The following PVT1 variants were observed in gnomAD, a reference collection of about 807,000 sequenced individuals.
PVT1 encodes Pvt1 oncogene.
At chr8:127,803,830 C>A (rs553559291) in intron 2 of PVT1, among the ~76,000 whole-genome samples, 1 of 151,602 alleles carries the variant, frequency 6.6e-6, no homozygotes, top group Admixed American at 6.6e-5. Context: ...AAGCGATTCT[C>A]CTGCCTCAGC....
intron 3 of PVT1, among the ~76,000 whole-genome samples, chr8:127,985,365 G>C (rs1019986646): frequency 2.6e-5 from 4 of 151,496 alleles, no homozygotes; most frequent in Non-Finnish European, 5.9e-5. Context: ...GGCCTCAAAC[G>C]ATCTTCCTGC....
rs1176139734 is a variant in PVT1, at chr8:127,992,191, G to A, written n.912+2900G>A. 2.6e-5 allele frequency among the ~76,000 whole-genome samples: 4 copies of A among 152,152 alleles called. No homozygotes were observed. In the East Asian group the frequency reaches 7.7e-4, roughly 29 times the overall value. On this transcript the variant is annotated intron_variant and non_coding_transcript_variant, in intron 4 of 10. Transcript: ENST00000651587. ...ACTTGAGGCCAGGAGTTCGAGACCAGCCTGGCCAACATGGTGAAACCCTGT... is the reference window on the plus strand; with the variant it reads ...ACTTGAGGCCAGGAGTTCGAGACCAACCTGGCCAACATGGTGAAACCCTGT...
chr8:127,982,193 G>A (rs1410444448), intron 3 of PVT1, among the ~76,000 whole-genome samples: 1 of 152,174 alleles, frequency 6.6e-6, no homozygotes, highest in South Asian at 2.1e-4. Flanking sequence ...GGCACCTATT[G>A]GAGTTGGATA....
intron 4 of PVT1, among the ~76,000 whole-genome samples, chr8:128,060,029 G>C (rs1241490233): frequency 1.3e-5 from 2 of 152,152 alleles, no homozygotes; most frequent in Non-Finnish European, 2.9e-5. Flanking sequence ...GGCCAAGGCG[G>C]GTGGATCACA....
At position 127,856,632 on chromosome 8, in the gene PVT1, C is replaced by T. The variant is rs371836406; in HGVS notation, n.373-33957C>T. On this transcript the variant is annotated intron_variant and non_coding_transcript_variant, in intron 2 of 10. Coordinates refer to ENST00000651587, the Ensembl canonical transcript of PVT1. ...CTGGGATTACAGGCGTGAGCTACCA[C>T]GCCCAGCCCCAGCCAGCTATATTAA... Among the ~76,000 whole-genome samples, 258 of 152,280 alleles carry T rather than the reference C, an allele frequency of 1.7e-3. 1 individual carries two copies. The highest frequency in any genetic ancestry group is 5.9e-3 in the African/African-American group (246 of 41,562).
chr8:128,091,935 G>C (rs570833369), intron 5 of PVT1, among the ~76,000 whole-genome samples: 4 of 152,144 alleles, frequency 2.6e-5, no homozygotes, highest in South Asian at 2.1e-4. Context: ...GGGTTGCTGA[G>C]AGCTGTCCTC....
At chr8:127,946,124 A>G (rs1816417224) in intron 3 of PVT1, among the ~76,000 whole-genome samples, 4 of 152,228 alleles carry the variant, frequency 2.6e-5, no homozygotes, top group Non-Finnish European at 4.4e-5. Context: ...CTGGTCTGTC[A>G]GGGTACCAGC....
chr8:127,989,288 T>G (rs1222161097), exon 4 of PVT1: 3 of 152,136 alleles, frequency 2.0e-5, no homozygotes, highest in African/African-American at 7.2e-5. Context: ...ATTGGAGAAT[T>G]AAGGTAAGCG....
intron 2 of PVT1, among the ~76,000 whole-genome samples, chr8:127,852,650 A>G (rs1240190174): frequency 6.6e-6 from 1 of 152,234 alleles, no homozygotes; most frequent in African/African-American, 2.4e-5. Flanking sequence ...GATTGCTATC[A>G]GGATTAAGGC....
At chr8:128,009,032 A>G in intron 4 of PVT1, 1 of 434,196 alleles carries the variant, frequency 2.3e-6, no homozygotes, top group African/African-American at 2.0e-5. Context: ...TAACATTAAT[A>G]CCTATCACTG....
At chr8:128,024,410 C>T (rs939676348) in intron 4 of PVT1, among the ~76,000 whole-genome samples, 4 of 152,032 alleles carry the variant, frequency 2.6e-5, no homozygotes, top group Non-Finnish European at 5.9e-5. Flanking sequence ...ATGGTTTGAG[C>T]CCAGGAATTC....
intron 6 of PVT1, among the ~76,000 whole-genome samples, chr8:128,100,252 T>C (rs1399463891): frequency 1.3e-5 from 2 of 151,240 alleles, no homozygotes; most frequent in Admixed American, 6.6e-5. Context: ...CATTTAAATA[T>C]CATGTGGGCA....
At chr8:127,925,648 G>GT (rs10592662) in intron 3 of PVT1, among the ~76,000 whole-genome samples, 115 of 151,468 alleles carry the variant, frequency 7.6e-4, no homozygotes, top group African/African-American at 1.9e-3. Context: ...TTTTGTTTTT[G>GT]TTTTTTTTTT....
chr8:128,092,138 G>T (rs1814364318), intron 5 of PVT1, among the ~76,000 whole-genome samples: 2 of 152,072 alleles, frequency 1.3e-5, no homozygotes, highest in Non-Finnish European at 2.9e-5. Flanking sequence ...AAGCTGCAAA[G>T]AACCCTTAGG....
chr8:127,798,704 CAAAAAA>C lies in PVT1; in HGVS notation n.372+2650_372+2655del, dbSNP rs71300266. Among the ~76,000 whole-genome samples the C allele has an allele frequency of 2.4e-3, 270 of 110,438 alleles. 2 individuals carry two copies. Among genetic ancestry groups the C allele is most frequent in the Middle Eastern group, 5.1e-3 (1 of 198 alleles). The allele number at this position is 110,438 out of a possible 152,430, so 72.5% of individuals were successfully genotyped here. On this transcript the variant is annotated intron_variant and non_coding_transcript_variant, in intron 2 of 10. Coordinates refer to ENST00000651587, the Ensembl canonical transcript of PVT1. ...TGAAACCCTGTCTCTACTAAAAATA[CAAAAAA>C]AAAAAAAAAAAAAAAATTAGCCCGG... is the stretch of plus-strand genomic sequence containing the variant.
At chr8:128,005,476 T>C (rs1222560716) in intron 4 of PVT1, among the ~76,000 whole-genome samples, 1 of 152,202 alleles carries the variant, frequency 6.6e-6, no homozygotes, top group Non-Finnish European at 1.5e-5. Flanking sequence ...ACCTCTCAAA[T>C]AGCATCCAAC....
At chr8:127,887,400 C>T (rs964612161) in intron 2 of PVT1, among the ~76,000 whole-genome samples, 3 of 152,184 alleles carry the variant, frequency 2.0e-5, no homozygotes, top group Admixed American at 6.5e-5. Context: ...AATCTTTGTT[C>T]TAATTTTTAG....
At chr8:127,863,257 G>A (rs1326799993) in intron 2 of PVT1, among the ~76,000 whole-genome samples, 1 of 152,010 alleles carries the variant, frequency 6.6e-6, no homozygotes, top group East Asian at 1.9e-4. Context: ...GATTACAGGT[G>A]TCCGCCACTG....
At chr8:127,971,165 T>C (rs1339324989) in intron 3 of PVT1, among the ~76,000 whole-genome samples, 1 of 152,210 alleles carries the variant, frequency 6.6e-6, no homozygotes, top group Non-Finnish European at 1.5e-5. Flanking sequence ...GTCGGAGCTA[T>C]TTTTTTATGG....
Sources: gnomAD v4.1 joint callset for allele counts (sites outside exome capture counted in the v4.1 genomes callset) on GRCh38, gnomAD v4.1.1 for gene constraint, MANE v1.5 for transcripts, NCBI Gene and HGNC (gene_info 2026-07-23, HGNC 2026-07-21) for gene names.